The following ANO4 variants were observed in gnomAD, a reference collection of about 807,000 sequenced individuals.
ANO4 encodes anoctamin 4, also known as anoctamin-4.
ANO4 carries 69 observed loss-of-function variants against 141.9 expected under a neutral mutation model. The ratio of observed to expected loss-of-function variants is 0.49; its 90% CI spans 0.40 to 0.59. The LOEUF (loss-of-function observed/expected upper bound fraction) is 0.59. Ranked by LOEUF, ANO4 falls within the 20% of genes least tolerant of loss-of-function variation. The probability of loss-of-function intolerance (pLI) is 0.00; values close to 1 mark genes in which losing one functional copy is unlikely to be tolerated. For missense variants in ANO4, 894 were observed against 1,162.2 expected, an observed-to-expected ratio of 0.77 and a Z score of 3.36; for synonymous variants, 350 against 394.3, an observed-to-expected ratio of 0.89 and a Z score of 1.33.
At chr12:101,030,973 C>T (rs1402742337) in intron 9 of ANO4, among the ~76,000 whole-genome samples, 2 of 152,162 alleles carry the variant, frequency 1.3e-5, no homozygotes, top group Non-Finnish European at 2.9e-5. Flanking sequence ...AGCCCAGGAC[C>T]AGACAGGTTC....
chr12:100,854,652 C>T (rs538636210), intron 1 of ANO4, among the ~76,000 whole-genome samples: 27 of 152,228 alleles, frequency 1.8e-4, no homozygotes, highest in African/African-American at 6.5e-4. Context: ...TTCAAAGCAA[C>T]CTTTTATTCC....
upstream of ANO4, among the ~76,000 whole-genome samples, chr12:100,792,560 C>T (rs1184966658): frequency 6.6e-6 from 1 of 152,114 alleles, no homozygotes; most frequent in Admixed American, 6.5e-5. Flanking sequence ...GAGGCATTTT[C>T]TGTCATTTTT....
At chr12:101,118,880 A>T (rs1224293424) in intron 25 of ANO4, among the ~76,000 whole-genome samples, 1 of 51,268 alleles carries the variant, frequency 2.0e-5, no homozygotes, top group Non-Finnish European at 3.7e-5. Context: ...CCCCCACCCC[A>T]CGACAGGCCC....
chr12:100,898,683 T>C (rs2040453742), intron 1 of ANO4, among the ~76,000 whole-genome samples: 1 of 152,360 alleles, frequency 6.6e-6, no homozygotes, highest in African/African-American at 2.4e-5. Context: ...ATTTACGTCA[T>C]TTTGTGCTTC....
chr12:100,960,510 G>A (rs866998611), intron 5 of ANO4, among the ~76,000 whole-genome samples: 53 of 151,688 alleles, frequency 3.5e-4, no homozygotes, highest in Admixed American at 2.4e-3. Context: ...AACAGACTGA[G>A]GAGGGATGTC....
At chr12:100,727,891 C>T (rs1271714109) in intron 1 of ANO4, among the ~76,000 whole-genome samples, 1 of 152,086 alleles carries the variant, frequency 6.6e-6, no homozygotes, top group Non-Finnish European at 1.5e-5. Context: ...TAATAATTGC[C>T]CTTGTACTTT....
chr12:100,940,873 A>C (rs2042481829), intron 4 of ANO4, among the ~76,000 whole-genome samples: 1 of 152,166 alleles, frequency 6.6e-6, no homozygotes, highest in Non-Finnish European at 1.5e-5. Context: ...AGCAAGCCCG[A>C]AGAGCCTGGA....
At chr12:101,002,634 G>A (rs764880917) in intron 8 of ANO4, among the ~76,000 whole-genome samples, 8 of 152,068 alleles carry the variant, frequency 5.3e-5, no homozygotes, top group Non-Finnish European at 1.2e-4. Context: ...CCTCAGTAAC[G>A]AGTTCAGGTG....
chr12:100,721,196 T>C (rs1201529048), intron 1 of ANO4, among the ~76,000 whole-genome samples: 1 of 152,222 alleles, frequency 6.6e-6, no homozygotes, highest in Non-Finnish European at 1.5e-5. Flanking sequence ...CTTCCTCTCC[T>C]GTCCCTGTTT....
intron 1 of ANO4, among the ~76,000 whole-genome samples, chr12:100,818,159 T>C (rs2035837573): frequency 6.6e-6 from 1 of 151,886 alleles, no homozygotes; most frequent in Non-Finnish European, 1.5e-5. Flanking sequence ...TTTGTTTACA[T>C]GGTACTTAAT....
intron 8 of ANO4, among the ~76,000 whole-genome samples, chr12:100,988,886 AAAG>A (rs753476489): frequency 0.1 from 12,080 of 119,586 alleles, 1,319 homozygotes; most frequent in Middle Eastern, 0.2. Context: ...AAAAAAAAAA[AAAG>A]AAAGAAAAAC....
chr12:100,736,806 G>A (rs1365952438), intron 2 of ANO4, among the ~76,000 whole-genome samples: 3 of 152,096 alleles, frequency 2.0e-5, no homozygotes, highest in African/African-American at 4.8e-5. Context: ...AGATATGAGT[G>A]ATGCATCTCC....
chr12:100,717,280 A>T (rs2030632343), upstream of ANO4, among the ~76,000 whole-genome samples: 1 of 151,426 alleles, frequency 6.6e-6, no homozygotes, highest in South Asian at 2.1e-4. Flanking sequence ...GGGGACCCGG[A>T]GCGCGGCTGC....
chr12:101,037,339 C>A (rs1055712757), intron 10 of ANO4, among the ~76,000 whole-genome samples, 189 bp downstream of exon 10: 1 of 152,116 alleles, frequency 6.6e-6, no homozygotes, highest in Admixed American at 6.6e-5. Flanking sequence ...TTCTATATAT[C>A]TTTTCATGTA....
intron 1 of ANO4, among the ~76,000 whole-genome samples, chr12:100,846,949 C>A (rs2037598196): frequency 6.6e-6 from 1 of 152,028 alleles, no homozygotes; most frequent in African/African-American, 2.4e-5. Flanking sequence ...TTCCACACCC[C>A]CCCCCAACTT....
At chr12:101,096,076 G>A (rs1029590932) in intron 18 of ANO4, among the ~76,000 whole-genome samples, 4 of 152,182 alleles carry the variant, frequency 2.6e-5, no homozygotes, top group Admixed American at 2.6e-4. Context: ...TCTATGATAG[G>A]CATTTGACTC....
chr12:100,810,896 G>A (rs761546936), intron 1 of ANO4, among the ~76,000 whole-genome samples: 4 of 152,068 alleles, frequency 2.6e-5, no homozygotes, highest in Non-Finnish European at 5.9e-5. Flanking sequence ...ATACTTATGA[G>A]CCACACTGGA....
rs1240931167 is a variant in ANO4, at chr12:101,120,569, A to C, written c.2620A>C (p.Thr874Pro). Residue 874 changes from threonine to proline, a missense_variant, in exon 26 of 28, where the codon ACA (threonine) becomes CCA (proline). Around this residue, in one of 2 missense-constraint regions of ANO4, gnomAD observed 637 missense variants for 909.2 expected, o/e 0.70. Coordinates refer to ENST00000392977, the MANE Select transcript of ANO4 (RefSeq NM_001286615.2). ...PPHSLVPYGY[T>P]LQFWHVLAAR... ...TCATTCACTGGTGCCCTATGGCTAC[A>C]CACTGCAGTTTTGGCATGTCCTAGC... 1 of 1,614,138 alleles carries C rather than the reference A, an allele frequency of 6.2e-7. No homozygotes were observed.
At chr12:100,961,292 G>T (rs368463520) in intron 5 of ANO4, among the ~76,000 whole-genome samples, 8 of 152,296 alleles carry the variant, frequency 5.3e-5, no homozygotes, top group South Asian at 2.1e-4. Flanking sequence ...ATGGAAGAAG[G>T]TTGTCTATAT....
Sources: gnomAD v4.1 joint callset for allele counts (sites outside exome capture counted in the v4.1 genomes callset) on GRCh38, gnomAD v4.1.1 for gene constraint, gnomAD v4.1.1 regional missense constraint, MANE v1.5 for transcripts, NCBI Gene and HGNC (gene_info 2026-07-23, HGNC 2026-07-21) for gene names.